Variants in HPGDS observed in about 807,000 individuals in gnomAD.
The protein encoded by HPGDS is hematopoietic prostaglandin D synthase, also known as GST class-sigma.
In HPGDS, 26 loss-of-function variants were observed where a neutral mutation model predicts 23.1. The observed-to-expected ratio is 1.13, with a 90% CI of 0.83 to 1.56. The LOEUF (loss-of-function observed/expected upper bound fraction) is 1.56, where lower values mean the gene tolerates loss of function less well. Among genes scored for constraint, HPGDS ranks in the 40% most tolerant of loss-of-function variants. HPGDS has a pLI of 0.00. For synonymous variants in HPGDS, 95 were observed against 77.9 expected (o/e 1.22, Z -1.16); for missense variants, 268 against 236.4 (o/e 1.13, Z -0.88).
At chr4:94,313,875 C>A (rs1391724984) in intron 3 of HPGDS, among the ~76,000 whole-genome samples, 2 of 152,172 alleles carry the variant, frequency 1.3e-5, no homozygotes, top group Non-Finnish European at 2.9e-5. Context: ...CTTCTTGCTT[C>A]ATTTCATTCT....
intron 2 of HPGDS, among the ~76,000 whole-genome samples, chr4:94,324,392 T>C (rs13130583): frequency 0.64 from 97,892 of 152,014 alleles, 32,464 homozygotes; most frequent in African/African-American, 0.77. Context: ...TGTTTAGGTA[T>C]ACCAATCAAA....
chr4:94,331,505 A>T (rs1181627545), intron 2 of HPGDS, among the ~76,000 whole-genome samples: 2 of 152,140 alleles, frequency 1.3e-5, no homozygotes, highest in Admixed American at 1.3e-4. Flanking sequence ...CTCAGTGTGC[A>T]TGGGAGGGGC....
chr4:94,314,711 T>G (rs1756357918), intron 3 of HPGDS, among the ~76,000 whole-genome samples: 1 of 152,182 alleles, frequency 6.6e-6, no homozygotes, highest in Admixed American at 6.5e-5. Context: ...TGCTGCCTTT[T>G]GTTTGGCTAT....
At chr4:94,309,551 C>T (rs1376452613) in intron 3 of HPGDS, among the ~76,000 whole-genome samples, 2 of 152,048 alleles carry the variant, frequency 1.3e-5, no homozygotes, top group South Asian at 2.1e-4. Flanking sequence ...TGACTTGGTT[C>T]CAAGTCTTTG....
intron 2 of HPGDS, among the ~76,000 whole-genome samples, chr4:94,324,271 G>T (rs908533855): frequency 2.0e-5 from 3 of 152,082 alleles, no homozygotes; most frequent in Non-Finnish European, 2.9e-5. Context: ...TGTCTTTGTG[G>T]TGTTCTCTGT....
intron 3 of HPGDS, among the ~76,000 whole-genome samples, chr4:94,312,963 G>C (rs944682451): frequency 3.0e-4 from 46 of 152,134 alleles, no homozygotes; most frequent in African/African-American, 9.6e-4. Flanking sequence ...TGCAACCCCT[G>C]CTTTTTTTTT....
At chr4:94,337,884 G>T (rs1422660548) in intron 1 of HPGDS, among the ~76,000 whole-genome samples, 1 of 152,130 alleles carries the variant, frequency 6.6e-6, no homozygotes, top group Non-Finnish European at 1.5e-5. Context: ...CTCAGCATAG[G>T]TTGGTAGCTA....
chr4:94,317,823 C>T, intron 3 of HPGDS, 50 bp downstream of exon 3: 1 of 984,976 alleles, frequency 1.0e-6, no homozygotes, highest in South Asian at 1.3e-5. Flanking sequence ...GAATATATAT[C>T]ATGTATTTGT....
intron 2 of HPGDS, among the ~76,000 whole-genome samples, chr4:94,326,507 G>A (rs1220889063): frequency 6.6e-6 from 1 of 151,906 alleles, no homozygotes; most frequent in Non-Finnish European, 1.5e-5. Flanking sequence ...AGCTCTAGTT[G>A]TATTTTTTAA....
At chr4:94,316,071 G>C (rs767985532) in intron 3 of HPGDS, among the ~76,000 whole-genome samples, 11 of 152,100 alleles carry the variant, frequency 7.2e-5, no homozygotes, top group Non-Finnish European at 1.5e-4. Context: ...CCTCAACTGT[G>C]ACTCAGCCCC....
chr4:94,312,732 A>C (rs908476657), intron 3 of HPGDS, among the ~76,000 whole-genome samples: 1 of 152,164 alleles, frequency 6.6e-6, no homozygotes, highest in East Asian at 1.9e-4. Context: ...TAATGTTGAC[A>C]GTGGGGTGTT....
chr4:94,299,287 A>G lies in HPGDS; in HGVS notation c.*193T>C. The G allele has an allele frequency of 1.9e-6, 1 of 520,812 alleles. No individual in the cohort carries two copies. The highest frequency in any genetic ancestry group is 3.3e-6 in the Non-Finnish European group (1 of 299,982). 32.3% of individuals were successfully genotyped at this position (520,812 alleles called of 1,614,324 possible). On this transcript the variant is annotated 3_prime_UTR_variant, in exon 6 of 6. Transcript: ENST00000295256. ...CTGTAATTGTAAATGATGAGAAGCTATTCTGAAAGAAAAAGATACTGAAGA... is the reference window on the plus strand; with the variant it reads ...CTGTAATTGTAAATGATGAGAAGCTGTTCTGAAAGAAAAAGATACTGAAGA...
chr4:94,329,111 T>C (rs1324981381), intron 2 of HPGDS, among the ~76,000 whole-genome samples: 2 of 152,214 alleles, frequency 1.3e-5, no homozygotes, highest in East Asian at 3.8e-4. Context: ...CAAGAAGGAA[T>C]CAAAATGCGT....
chr4:94,310,885 T>C (rs1560586348), intron 3 of HPGDS, among the ~76,000 whole-genome samples: 1 of 152,200 alleles, frequency 6.6e-6, no homozygotes, highest in Non-Finnish European at 1.5e-5. Flanking sequence ...GGTATTTTAT[T>C]CTCTTTGAAG....
intron 1 of HPGDS, among the ~76,000 whole-genome samples, chr4:94,339,836 T>C (rs1721101123): frequency 6.6e-6 from 1 of 152,116 alleles, no homozygotes; most frequent in Non-Finnish European, 1.5e-5. Flanking sequence ...GGGGGCGGTT[T>C]CCCCCATACT....
chr4:94,303,892 G>T (rs984463085), intron 4 of HPGDS: 11 of 152,030 alleles, frequency 7.2e-5, no homozygotes, highest in African/African-American at 2.4e-4. Flanking sequence ...AGCCCAGATT[G>T]TCTTTGTAAG....
chr4:94,330,791 T>C, intron 2 of HPGDS, among the ~76,000 whole-genome samples: 1 of 152,206 alleles, frequency 6.6e-6, no homozygotes. Context: ...AGTTTTAATT[T>C]TCAAGAACTG....
intron 3 of HPGDS, among the ~76,000 whole-genome samples, chr4:94,312,695 G>C (rs1435295914): frequency 1.3e-5 from 2 of 152,154 alleles, no homozygotes; most frequent in South Asian, 4.1e-4. Flanking sequence ...GGATATCCTT[G>C]TTAACTTTCT....
chr4:94,311,599 C>CT (rs1429338778), intron 3 of HPGDS, among the ~76,000 whole-genome samples: 2 of 151,164 alleles, frequency 1.3e-5, no homozygotes, highest in Non-Finnish European at 2.9e-5. Flanking sequence ...CTAAACTTCT[C>CT]TTTTTTTGTT....
Sources: gnomAD v4.1 joint callset for allele counts (sites outside exome capture counted in the v4.1 genomes callset) on GRCh38, gnomAD v4.1.1 for gene constraint, MANE v1.5 for transcripts, NCBI Gene and HGNC (gene_info 2026-07-23, HGNC 2026-07-21) for gene names.